EHMT1: variants seen among roughly 807,000 people sequenced by gnomAD.
EHMT1 encodes euchromatic histone lysine methyltransferase 1.
Under a neutral mutation model 147.2 loss-of-function variants are expected in EHMT1, and 15 were observed. The ratio of observed to expected loss-of-function variants is 0.10; its 90% CI spans 0.07 to 0.16. The LOEUF (loss-of-function observed/expected upper bound fraction) is 0.16, where lower values mean the gene tolerates loss of function less well. EHMT1 is among the 10% of genes least tolerant of loss of function. The pLI, the probability that EHMT1 is intolerant of heterozygous loss-of-function variation, is 1.00. For missense variants in EHMT1, 1,587 were observed against 1,772.4 expected, an observed-to-expected ratio of 0.90 and a Z score of 1.88; for synonymous variants, 795 against 709.6, an observed-to-expected ratio of 1.12 and a Z score of -1.91.
chr9:137,670,920 C>T (rs1464592442), intron 1 of EHMT1, among the ~76,000 whole-genome samples: 1 of 152,200 alleles, frequency 6.6e-6, no homozygotes. Flanking sequence ...TCTTGCTGCC[C>T]TACCTCCTGT....
At chr9:137,692,267 C>CT (rs11398600) in intron 1 of EHMT1, among the ~76,000 whole-genome samples, 28,788 of 118,252 alleles carry the variant, frequency 0.24, 3,578 homozygotes, top group Admixed American at 0.33. Flanking sequence ...TTCTTTCTTT[C>CT]TTTTTTTTTT....
At chr9:137,644,122 G>A (rs1346082383) in intron 1 of EHMT1, among the ~76,000 whole-genome samples, 1 of 152,158 alleles carries the variant, frequency 6.6e-6, no homozygotes, top group African/African-American at 2.4e-5. Context: ...CACTCGGCAC[G>A]GCTGATCCCG....
chr9:137,814,056 G>GCCCCCCCCC (rs71387862), intron 21 of EHMT1, among the ~76,000 whole-genome samples: 7 of 50,062 alleles, frequency 1.4e-4, no homozygotes, highest in African/African-American at 2.4e-4. Context: ...CACTGCCCAG[G>GCCCCCCCCC]CCCCCCCCCC....
In EHMT1 at chr9:137,679,423, C is replaced by T. The variant is rs537820182; in HGVS notation, c.22-31544C>T. On this transcript the variant is annotated intron_variant, in intron 1 of 26. Coordinates refer to ENST00000460843, the MANE Select transcript of EHMT1 (RefSeq NM_024757.5). The stretch of plus-strand genomic sequence containing the variant: ...TCTCGGGTGGTCCTCAGTGTGGCAC[C>T]CTCTTGACATGCGGTTGCATTCATT... 6.2e-4 allele frequency among the ~76,000 whole-genome samples: 94 copies of T among 151,966 alleles called. No individual in the cohort carries two copies. In the South Asian group the frequency reaches 0.014, roughly 23 times the overall value.
At chr9:137,809,232 G>A (rs530505176) in intron 18 of EHMT1, among the ~76,000 whole-genome samples, 12 of 152,224 alleles carry the variant, frequency 7.9e-5, no homozygotes, top group Admixed American at 1.3e-4. Context: ...CAGGCCACTC[G>A]GTTTCTGTTC....
rs1399162372 is a variant in EHMT1, at chr9:137,776,709, C to T, written c.1883C>T (p.Pro628Leu). The change falls in exon 12 of 27, where the codon CCC (proline) becomes CTC (leucine). Residue 628 changes from proline to leucine, a missense_variant. By Grantham distance (98) the Pro-to-Leu change is moderately conservative (BLOSUM62 -3). Transcript: ENST00000460843. The surrounding 1 kb of genome is among the most constrained non-coding windows in gnomAD (Gnocchi z 4.4). Reference sequence around the variant, plus strand: ...CGAGTCAATAACGCCAGCTATTGTCCCCACTGTGGGGAGGAGAGCTCCAAG... The same window carrying T: ...CGAGTCAATAACGCCAGCTATTGTCTCCACTGTGGGGAGGAGAGCTCCAAG... The part of the protein sequence containing the change: ...ASRVNNASYC[P>L]HCGEESSKAK... 6 of 1,613,992 alleles carry T rather than the reference C, an allele frequency of 3.7e-6. No homozygotes were observed. Among genetic ancestry groups the T allele is most frequent in the African/African-American group, 2.7e-5 (2 of 74,910 alleles).
At chr9:137,833,742 A>C (rs1173044323) in intron 25 of EHMT1, among the ~76,000 whole-genome samples, 5 of 152,204 alleles carry the variant, frequency 3.3e-5, no homozygotes, top group Non-Finnish European at 5.9e-5. Context: ...AGGACGCCTC[A>C]GTCTCTTCGG....
At chr9:137,785,038 G>A (rs1240804131) in intron 15 of EHMT1, 1 of 154,814 alleles carries the variant, frequency 6.5e-6, no homozygotes, top group Non-Finnish European at 1.4e-5. Flanking sequence ...CTGGAGTGAG[G>A]GCTGGGCTGT....
In EHMT1 at chr9:137,835,193, G is replaced by A; in HGVS notation, c.*240G>A. The A allele has an allele frequency of 2.4e-6, 1 of 409,132 alleles. No homozygotes were observed. The highest frequency in any genetic ancestry group is 4.2e-6 in the Non-Finnish European group (1 of 235,896). 25.3% of individuals were successfully genotyped at this position (409,132 alleles called of 1,614,324 possible). ...TGCCCAGGCTGGAGCGCACACTTTG[G>A]TCCGCGCGCCAGAGACGCTGGGAGT... On this transcript the variant is annotated 3_prime_UTR_variant, in exon 27 of 27. Coordinates refer to ENST00000460843, the MANE Select transcript of EHMT1 (RefSeq NM_024757.5).
rs535000945 is a variant in EHMT1, at chr9:137,712,584, T to G, written c.85+1554T>G. Among the ~76,000 whole-genome samples, 35 of 152,326 alleles carry G rather than the reference T, an allele frequency of 2.3e-4. No individual in the cohort carries two copies. In the East Asian group the frequency reaches 5.6e-3, roughly 24 times the overall value. On this transcript the variant is annotated intron_variant, in intron 2 of 26. Transcript: ENST00000460843. ...GTGCTTACTGGCCATCTTTAGAGCT[T>G]CTTTGGAGAAATATCTCTTCTCCTG...
chr9:137,710,346 A>G (rs1322078807), intron 1 of EHMT1, among the ~76,000 whole-genome samples: 2 of 152,008 alleles, frequency 1.3e-5, no homozygotes, highest in Non-Finnish European at 2.9e-5. Flanking sequence ...GGTGGTGTGC[A>G]CCTGTAGTCC....
intron 10 of EHMT1, among the ~76,000 whole-genome samples, chr9:137,767,013 G>T (rs935504335): frequency 1.3e-5 from 2 of 152,110 alleles, no homozygotes; most frequent in Non-Finnish European, 2.9e-5. Flanking sequence ...TGTAGAGATG[G>T]TATCTCACTA....
intron 1 of EHMT1, among the ~76,000 whole-genome samples, chr9:137,686,944 T>C (rs1942502148): frequency 6.6e-6 from 1 of 152,022 alleles, no homozygotes; most frequent in African/African-American, 2.4e-5. Context: ...GTAGCCAGGA[T>C]GGTCTTGATC....
At chr9:137,677,432 G>C (rs1025008181) in intron 1 of EHMT1, among the ~76,000 whole-genome samples, 1 of 152,098 alleles carries the variant, frequency 6.6e-6, no homozygotes, top group Non-Finnish European at 1.5e-5. Context: ...ACCAGGACTT[G>C]CCTGACTGGA....
Position 137,813,615 on chromosome 9 carries a change from C to T in EHMT1, c.3180+85C>T. On this transcript the variant is annotated intron_variant, in intron 21 of 26. Coordinates refer to ENST00000460843, the MANE Select transcript of EHMT1 (RefSeq NM_024757.5). The surrounding 1 kb of genome is among the most constrained non-coding windows in gnomAD (Gnocchi z 4.9). Reference sequence around the variant, plus strand: ...TTGAGCCTGGGGTCCTGGGTTCTCACCACTCAGAGCAGGAGGGCTTATGGG... The same window carrying T: ...TTGAGCCTGGGGTCCTGGGTTCTCATCACTCAGAGCAGGAGGGCTTATGGG... 1 of 1,577,030 alleles carries T rather than the reference C, an allele frequency of 6.3e-7. No individual in the cohort carries two copies. Among genetic ancestry groups the T allele is most frequent in the Non-Finnish European group, 8.6e-7 (1 of 1,160,718 alleles).
intron 1 of EHMT1, among the ~76,000 whole-genome samples, chr9:137,675,580 C>T (rs553856714): frequency 6.6e-6 from 1 of 151,242 alleles, no homozygotes; most frequent in South Asian, 2.1e-4. Context: ...TCTCCTGCCT[C>T]AGCCTCCCGA....
rs1333521794 is a variant in EHMT1, at chr9:137,835,430, C to T, written c.*477C>T. 1 of 154,006 alleles carries T rather than the reference C, an allele frequency of 6.5e-6. No individual in the cohort carries two copies. The highest frequency in any genetic ancestry group is 1.4e-5 in the Non-Finnish European group (1 of 69,202). 9.5% of individuals were successfully genotyped at this position (154,006 alleles called of 1,614,324 possible). The stretch of plus-strand genomic sequence containing the variant: ...ACGGCCTGCGTGGCTGGGGCCGAGT[C>T]CCAGGGGCCGCACGGAGGGCACAGT... On this transcript the variant is annotated 3_prime_UTR_variant, in exon 27 of 27. Transcript: ENST00000460843.
intron 1 of EHMT1, among the ~76,000 whole-genome samples, chr9:137,623,090 G>A (rs1379462791): frequency 6.6e-6 from 1 of 151,572 alleles, no homozygotes; most frequent in Non-Finnish European, 1.5e-5. Flanking sequence ...GCGGCCGCCT[G>A]TAGTCCCAGC....
chr9:137,742,834 G>A, intron 4 of EHMT1: 1 of 187,924 alleles, frequency 5.3e-6, no homozygotes, highest in Non-Finnish European at 1.1e-5. Context: ...TGGGTGTTGG[G>A]CTGTGGAGTC....
Sources: allele counts gnomAD v4.1 joint callset (sites outside exome capture counted in the v4.1 genomes callset), GRCh38; gene constraint gnomAD v4.1.1; non-coding constraint Gnocchi (gnomAD v3.1); transcripts MANE v1.5; gene names NCBI Gene and HGNC (gene_info 2026-07-23, HGNC 2026-07-21).